The following MYO5B variants were observed in gnomAD, a reference collection of about 807,000 sequenced individuals.
MYO5B encodes the protein myosin VB.
In MYO5B, 143 loss-of-function variants were observed where a neutral mutation model predicts 229.3. The ratio of observed to expected loss-of-function variants is 0.62; its 90% confidence interval spans 0.54 to 0.72. The LOEUF (loss-of-function observed/expected upper bound fraction) is 0.72, where lower values mean the gene tolerates loss of function less well. Among genes scored for constraint, MYO5B ranks in the 30% least tolerant of loss-of-function variants. The pLI is 0.00. For missense variants in MYO5B, 2,321 were observed against 2,331.0 expected, an observed-to-expected ratio of 1.00 and a Z score of 0.09; for synonymous variants, 918 against 885.2, an observed-to-expected ratio of 1.04 and a Z score of -0.66.
Position 49,899,937 on chromosome 18 carries a change from T to A in MYO5B, c.2811+2657A>T, listed in dbSNP as rs578188171. 4.6e-5 allele frequency among the ~76,000 whole-genome samples: 7 copies of A among 152,198 alleles called. 1 individual carries two copies. The South Asian group carries it at 6.2e-4, about 14-fold the overall frequency. On this transcript the variant is annotated intron_variant, in intron 21 of 39. Transcript: ENST00000285039. ...CAAAAAGCTTTTTTTATTTTTTTTT[T>A]AAATAGGCCATTTAAATCTGCTTTT...
intron 4 of MYO5B, among the ~76,000 whole-genome samples, chr18:50,003,986 C>A (rs1429050302): frequency 6.6e-6 from 1 of 152,106 alleles, no homozygotes; most frequent in Admixed American, 6.5e-5. Context: ...TACAAGGAGA[C>A]CCAGTTGACA....
intron 16 of MYO5B, among the ~76,000 whole-genome samples, chr18:49,931,859 C>G (rs989246290): frequency 6.6e-6 from 1 of 152,180 alleles, no homozygotes; most frequent in Non-Finnish European, 1.5e-5. Flanking sequence ...ATCCTGTGGC[C>G]TGCAGACCAC....
At chr18:49,928,808 G>A (rs780423153) in intron 17 of MYO5B, among the ~76,000 whole-genome samples, 2 of 152,150 alleles carry the variant, frequency 1.3e-5, no homozygotes, top group Non-Finnish European at 2.9e-5. Flanking sequence ...CAAAATAATG[G>A]CATTCACAGC....
intron 1 of MYO5B, among the ~76,000 whole-genome samples, chr18:50,144,193 A>C (rs1790416): frequency 6.6e-6 from 1 of 152,138 alleles, no homozygotes; most frequent in Non-Finnish European, 1.5e-5. Context: ...AGTAGAAAGG[A>C]ATAGATTAAG....
intron 22 of MYO5B, among the ~76,000 whole-genome samples, chr18:49,887,786 T>C (rs1188973396): frequency 6.6e-6 from 1 of 152,140 alleles, no homozygotes; most frequent in East Asian, 1.9e-4. Flanking sequence ...GTTCAAGCAA[T>C]TCTCCTGCCT....
chr18:50,193,563 G>T (rs2033257009), intron 1 of MYO5B, among the ~76,000 whole-genome samples: 2 of 152,260 alleles, frequency 1.3e-5, no homozygotes, highest in South Asian at 4.1e-4. Context: ...ACGCGGAAGT[G>T]ACTGTTCCTA....
At chr18:49,874,864 A>G (rs75885588) in intron 26 of MYO5B, among the ~76,000 whole-genome samples, 6,395 of 152,294 alleles carry the variant, frequency 0.042, 179 homozygotes, top group South Asian at 0.16. Context: ...TAGCACTGCT[A>G]TAGTCAATGG....
At chr18:50,133,993 GT>G (rs1479138766) in intron 1 of MYO5B, among the ~76,000 whole-genome samples, 1 of 152,128 alleles carries the variant, frequency 6.6e-6, no homozygotes, top group Non-Finnish European at 1.5e-5. Context: ...GAAAATAAAG[GT>G]TTTTTAAAGA....
chr18:50,082,289 T>C (rs563384225), intron 1 of MYO5B, among the ~76,000 whole-genome samples: 1 of 152,342 alleles, frequency 6.6e-6, no homozygotes, highest in African/African-American at 2.4e-5. Context: ...GATCCAGGCC[T>C]CAGCCTTATA....
intron 1 of MYO5B, among the ~76,000 whole-genome samples, chr18:50,089,933 G>A (rs77849388): frequency 0.045 from 6,862 of 152,114 alleles, 168 homozygotes; most frequent in African/African-American, 0.062. Flanking sequence ...CACCTTTTTC[G>A]AAGGCTACAT....
chr18:49,892,066 C>G (rs1411481625), intron 22 of MYO5B, among the ~76,000 whole-genome samples: 1 of 152,192 alleles, frequency 6.6e-6, no homozygotes, highest in African/African-American at 2.4e-5. Context: ...GCTGTCACCT[C>G]TGTGCCTAGG....
chr18:49,978,258 T>C (rs559311706), intron 9 of MYO5B, among the ~76,000 whole-genome samples: 1 of 152,180 alleles, frequency 6.6e-6, no homozygotes, highest in South Asian at 2.1e-4. Context: ...AAACACTCAG[T>C]GGGTACTAGA....
At chr18:49,956,684 G>C (rs1163028722) in intron 12 of MYO5B, among the ~76,000 whole-genome samples, 1 of 151,984 alleles carries the variant, frequency 6.6e-6, no homozygotes, top group Non-Finnish European at 1.5e-5. Flanking sequence ...ACAGCTATAT[G>C]AACTTCTTTC....
At chr18:49,954,257 G>T in intron 13 of MYO5B, 56 bp downstream of exon 13, 1 of 1,605,898 alleles carries the variant, frequency 6.2e-7, no homozygotes, top group Non-Finnish European at 8.5e-7. Context: ...AGAGCCCATT[G>T]AGTCTACTTA....
At chr18:50,166,473 C>G (rs534016114) in intron 1 of MYO5B, among the ~76,000 whole-genome samples, 4 of 152,296 alleles carry the variant, frequency 2.6e-5, no homozygotes, top group African/African-American at 9.6e-5. Flanking sequence ...CAATAACACA[C>G]AGCTAAGCTG....
rs534935935 is a variant in MYO5B at position 49,882,265 on chromosome 18, T to C, written c.3046-1810A>G. On this transcript the variant is annotated intron_variant, in intron 22 of 39. Transcript: ENST00000285039. The stretch of plus-strand genomic sequence containing the variant: ...GTGATCACATCCTAAGTGTGGTATA[T>C]GGCAAAGACAACAAGTTTCACAGCC... 5.9e-5 allele frequency among the ~76,000 whole-genome samples: 9 copies of C among 152,228 alleles called. No homozygotes were observed. The East Asian group carries it at 1.4e-3, about 23-fold the overall frequency.
chr18:49,923,330 C>T (rs1196666326), intron 17 of MYO5B, among the ~76,000 whole-genome samples: 1 of 152,210 alleles, frequency 6.6e-6, no homozygotes, highest in Admixed American at 6.5e-5. Context: ...CTTTCATTCC[C>T]TCCCAGGAAG....
At chr18:49,892,414 C>T (rs144368214) in intron 22 of MYO5B, among the ~76,000 whole-genome samples, 3 of 152,330 alleles carry the variant, frequency 2.0e-5, no homozygotes, top group East Asian at 1.9e-4. Flanking sequence ...CAATTAATAT[C>T]GTCAGAGATG....
chr18:49,953,932 G>A (rs867499892), intron 13 of MYO5B, among the ~76,000 whole-genome samples: 1 of 76,176 alleles, frequency 1.3e-5, no homozygotes, highest in Admixed American at 1.4e-4. Context: ...GTGTGTGTGT[G>A]TAGACTATAT....
Sources: allele counts gnomAD v4.1 joint callset (sites outside exome capture counted in the v4.1 genomes callset), GRCh38; gene constraint gnomAD v4.1.1; transcripts MANE v1.5; gene names NCBI Gene and HGNC (gene_info 2026-07-23, HGNC 2026-07-21).